The following TNXB variants were observed in gnomAD, a reference collection of about 807,000 sequenced individuals.
The protein encoded by TNXB is tenascin XB.
In TNXB, 183 loss-of-function variants were observed where a neutral mutation model predicts 340.5. The ratio of observed to expected loss-of-function variants is 0.54; its 90% CI spans 0.48 to 0.61. The LOEUF is 0.61. TNXB is among the 20% of genes least tolerant of loss of function. The probability of loss-of-function intolerance (pLI) is 0.00; values close to 1 mark genes in which losing one functional copy is unlikely to be tolerated. For missense variants in TNXB, 4,613 were observed against 5,446.4 expected (o/e 0.85, Z 4.82); for synonymous variants, 2,121 against 2,314.5 (o/e 0.92, Z 2.40).
chr6:32,097,338 T>A lies in TNXB; in HGVS notation c.515A>T (p.Asp172Val), dbSNP rs1337242680. ...WGGPTCSDPT[D>V]AEIPPSSPPS... ...TGGGGAAGAGGGAGGGATCTCAGCA[T>A]CTGTGGGGTCTGAGCAGGTGGGCCC... The change falls in exon 3 of 44, where the codon GAT becomes GTT. Residue 172 changes from aspartate (D) to valine (V), a missense_variant. Around this residue, in one of 7 missense-constraint regions of TNXB, gnomAD observed 4,327 missense variants for 4,859.4 expected, o/e 0.89. Coordinates refer to ENST00000644971, the MANE Select transcript of TNXB (RefSeq NM_001365276.2). The surrounding 1 kb of genome is among the most constrained non-coding windows in gnomAD (Gnocchi z 5.9). 2 of 1,613,298 alleles carry A rather than the reference T, an allele frequency of 1.2e-6. No homozygotes were observed. Among genetic ancestry groups the A allele is most frequent in the Admixed American group, 1.7e-5 (1 of 59,988 alleles).
At position 32,096,715 on chromosome 6, in the gene TNXB, G is replaced by A; in HGVS notation, c.1138C>T (p.Arg380Cys). ...CATTCGCCGTCCTCGCAGCGCCCGC[G>A]GCCCCGGCAGTCCCTCGGACATGTC... Reference protein sequence around the residue: ...TRTCPRDCRGRGRCEDGECIC... With the variant: ...TRTCPRDCRGCGRCEDGECIC... Residue 380 changes from arginine (R) to cysteine (C), a missense_variant, in exon 3 of 44, where the codon CGC becomes TGC. Physicochemically the swap from Arg to Cys is radical, Grantham distance 180. This residue lies in a region of TNXB where 4,327 missense variants were observed against 4,859.4 expected (regional missense o/e 0.89). Transcript: ENST00000644971. 5 of 1,550,306 alleles carry A rather than the reference G, an allele frequency of 3.2e-6. No individual in the cohort carries two copies. The highest frequency in any genetic ancestry group is 1.9e-5 in the Admixed American group (1 of 51,714).
In TNXB at chr6:32,084,246, G is replaced by A. The variant is rs1178493844; in HGVS notation, c.3445+167C>T. 6.6e-6 allele frequency among the ~76,000 whole-genome samples: 1 copy of A among 152,164 alleles called. No homozygotes were observed. Among genetic ancestry groups the A allele is most frequent in the Non-Finnish European group, 1.5e-5 (1 of 68,034 alleles). The stretch of plus-strand genomic sequence containing the variant: ...CCGTGACTCCCTCAGGCTGCACTGA[G>A]CTTCTCAAACTCTTTGCCTGCCCCA... On this transcript the variant is annotated intron_variant, in intron 8 of 43. Transcript: ENST00000644971. This position sits in a 1 kb window ranked among gnomAD's most constrained non-coding sequence, Gnocchi z 5.5.
Position 32,089,485 on chromosome 6 carries a change from C to T in TNXB, c.2359-106G>A. ...AATTCTAAACAGTGTCAGCATGGTA[C>T]TGTGTGGAACTTGACCCTGTACAAG... On this transcript the variant is annotated intron_variant, in intron 4 of 43. Coordinates refer to ENST00000644971, the MANE Select transcript of TNXB (RefSeq NM_001365276.2). The surrounding 1 kb of genome is among the most constrained non-coding windows in gnomAD (Gnocchi z 6.2). 7.2e-7 allele frequency: 1 copy of T among 1,392,186 alleles called. No homozygotes were observed. Among genetic ancestry groups the T allele is most frequent in the Non-Finnish European group, 9.6e-7 (1 of 1,044,242 alleles). The allele number at this position is 1,392,186 out of a possible 1,614,324, so 86.2% of individuals were successfully genotyped here.
In TNXB at chr6:32,082,102, T is replaced by C. The variant is rs1303576995; in HGVS notation, c.3670A>G (p.Arg1224Gly). 6.2e-7 allele frequency: 1 copy of C among 1,610,958 alleles called. No individual in the cohort carries two copies. Among genetic ancestry groups the C allele is most frequent in the Non-Finnish European group, 8.5e-7 (1 of 1,178,892 alleles). The change falls in exon 9 of 44, where the codon AGA (arginine) becomes GGA (glycine). Residue 1224 changes from arginine to glycine, a missense_variant. By Grantham distance (125) the Arg-to-Gly change is moderately radical. Coordinates refer to ENST00000644971, the MANE Select transcript of TNXB (RefSeq NM_001365276.2). This position sits in a 1 kb window ranked among gnomAD's most constrained non-coding sequence, Gnocchi z 5.0. ...VSSLDPDHKY[R>G]FTLFGIANKK... ...TTCGCAATTCCAAACAGAGTGAATCTGTACTTGTGGTCAGGGTCCAGTGAG... is the reference window on the plus strand; with the variant it reads ...TTCGCAATTCCAAACAGAGTGAATCCGTACTTGTGGTCAGGGTCCAGTGAG...
chr6:32,067,171 G>GAAAGAAAGAA lies in TNXB; in HGVS notation c.6544+480_6544+489dup, dbSNP rs1778419598. Among the ~76,000 whole-genome samples the GAAAGAAAGAA allele has an allele frequency of 6.7e-6, 1 of 148,202 alleles. No homozygotes were observed. Among genetic ancestry groups the GAAAGAAAGAA allele is most frequent in the Admixed American group, 6.7e-5 (1 of 14,816 alleles). On this transcript the variant is annotated intron_variant, in intron 18 of 43. Transcript: ENST00000644971. The surrounding 1 kb of genome is among the most constrained non-coding windows in gnomAD (Gnocchi z 4.2). ...AGAAAGAAAGAAAGAAAGAAAGAAAGAAAGAAAGAAAGAAAACATTCTAGT... is the reference window on the plus strand; with the variant it reads ...AGAAAGAAAGAAAGAAAGAAAGAAAGAAAGAAAGAAAAAGAAAGAAAGAAAACATTCTAGT...
Position 32,042,581 on chromosome 6 carries a change from C to T in TNXB, c.12084G>A (p.Arg4028=). Reference sequence around the variant, plus strand: ...CGTTCTGCATCTCCTCCCCGCAGTCCCTGGGGAAGGGGATCCGCAGCCCAC... The same window carrying T: ...CGTTCTGCATCTCCTCCCCGCAGTCTCTGGGGAAGGGGATCCGCAGCCCAC... The part of the protein sequence containing the change: ...TTGGLRIPFP[R]DCGEEMQNGA... Residue 4028 remains arginine (R), a synonymous_variant, in exon 40 of 44, where the codon AGG becomes AGA. Transcript: ENST00000644971. 1 of 1,590,664 alleles carries T rather than the reference C, an allele frequency of 6.3e-7. No individual in the cohort carries two copies. The highest frequency in any genetic ancestry group is 8.6e-7 in the Non-Finnish European group (1 of 1,167,788).
chr6:32,045,741 C>T (rs1776823261), intron 31 of TNXB: 1 of 1,036,168 alleles, frequency 9.7e-7, no homozygotes, highest in African/African-American at 1.7e-5. Flanking sequence ...GAGCCTGTAC[C>T]ACAAATGCAG....
chr6:32,061,433 G>C lies in TNXB; in HGVS notation c.7456C>G (p.Arg2486Gly), dbSNP rs752650618. ...ACGGTGGACACCGGGCCCACGCGCC[G>C]CCCCTCGTGGAGGCCATACAGGTGC... ...KMHLYGLHEG[R>G]RVGPVSTVGV... is the part of the protein sequence containing the mutation. The change falls in exon 21 of 44, where the codon CGG becomes GGG. Residue 2486 changes from arginine (R) to glycine (G), a missense_variant. By Grantham distance (125) the Arg-to-Gly change is moderately radical. This residue lies in a region of TNXB where 4,327 missense variants were observed against 4,859.4 expected (regional missense o/e 0.89). Transcript: ENST00000644971. This position sits in a 1 kb window ranked among gnomAD's most constrained non-coding sequence, Gnocchi z 4.4. The C allele has an allele frequency of 6.8e-6, 11 of 1,612,618 alleles. No homozygotes were observed. The East Asian group carries it at 2.5e-4, about 36-fold the overall frequency.
Position 32,097,897 on chromosome 6 carries a change from T to C in TNXB, c.302A>G (p.Gln101Arg). The change falls in exon 2 of 44, where the codon CAG becomes CGG. Residue 101 changes from glutamine (Q) to arginine (R), a missense_variant. By Grantham distance (43) the Gln-to-Arg change is conservative. Around this residue, in one of 7 missense-constraint regions of TNXB, gnomAD observed 4,327 missense variants for 4,859.4 expected, o/e 0.89. Transcript: ENST00000644971. The surrounding 1 kb of genome is among the most constrained non-coding windows in gnomAD (Gnocchi z 5.9). ...TEPPVLASEV[Q>R]ALRVRLEILE... is the part of the protein sequence containing the mutation. ...GATCTCTAGACGGACCCTCAGGGCC[T>C]GTACCTCTGAAGCAAGGACTGGGGG... The C allele has an allele frequency of 5.7e-6, 9 of 1,583,260 alleles. No individual in the cohort carries two copies. The highest frequency in any genetic ancestry group is 7.8e-6 in the Non-Finnish European group (9 of 1,159,096).
At position 32,097,721 on chromosome 6, in the gene TNXB, TACCAAGG is replaced by T. The variant is rs1240038778; in HGVS notation, c.403+68_403+74del. On this transcript the variant is annotated intron_variant, in intron 2 of 43. Coordinates refer to ENST00000644971, the MANE Select transcript of TNXB (RefSeq NM_001365276.2). This position sits in a 1 kb window ranked among gnomAD's most constrained non-coding sequence, Gnocchi z 5.9. ...GGAAGGAGTGCCTTCTTCTAATTCA[TACCAAGG>T]ACCTTTATGGACTAGCAATGCCCAC... 1 of 1,448,178 alleles carries T rather than the reference TACCAAGG, an allele frequency of 6.9e-7. No homozygotes were observed. The highest frequency in any genetic ancestry group is 1.4e-5 in the African/African-American group (1 of 70,226). The allele number at this position is 1,448,178 out of a possible 1,614,324, so 89.7% of individuals were successfully genotyped here. A position where few individuals can be genotyped will look rare whatever the true frequency, so the allele number is the denominator to read the frequency against.
At chr6:32,060,430 C>A (rs1329789378) in intron 21 of TNXB, among the ~76,000 whole-genome samples, 1 of 147,836 alleles carries the variant, frequency 6.8e-6, no homozygotes, top group Admixed American at 6.6e-5. Flanking sequence ...TATATATTTT[C>A]TCTTTTCCCT....
chr6:32,076,336 C>T (rs776894457), intron 11 of TNXB, among the ~76,000 whole-genome samples: 7 of 152,154 alleles, frequency 4.6e-5, no homozygotes, highest in Non-Finnish European at 8.8e-5. Context: ...ACGCACCTCT[C>T]CCCCTGGCAA....
Position 32,074,090 on chromosome 6 carries a change from C to A in TNXB, c.4376-138G>T. ...CCCAGAGCAGTGGGCGACCTCGGCT[C>A]ACTGCAGCCTCTGCCTCCCGGGTTC... On this transcript the variant is annotated intron_variant, in intron 11 of 43. Transcript: ENST00000644971. The surrounding 1 kb of genome is among the most constrained non-coding windows in gnomAD (Gnocchi z 5.5). 8.8e-6 allele frequency: 7 copies of A among 799,232 alleles called. No homozygotes were observed. Among genetic ancestry groups the A allele is most frequent in the Non-Finnish European group, 1.1e-5 (6 of 539,728 alleles). 49.5% of individuals were successfully genotyped at this position (799,232 alleles called of 1,614,324 possible).
At position 32,064,764 on chromosome 6, in the gene TNXB, TA is replaced by T; in HGVS notation, c.6841+56del. ...AAATAAAGCCACCAGATACTGACAA[TA>T]AAAGGGAAACTGAGTCTAGTTCAGG... On this transcript the variant is annotated intron_variant, in intron 19 of 43. Coordinates refer to ENST00000644971, the MANE Select transcript of TNXB (RefSeq NM_001365276.2). The surrounding 1 kb of genome is among the most constrained non-coding windows in gnomAD (Gnocchi z 5.3). The T allele has an allele frequency of 6.4e-7, 1 of 1,574,562 alleles. No homozygotes were observed. The highest frequency in any genetic ancestry group is 1.2e-5 in the South Asian group (1 of 86,382).
At position 32,085,904 on chromosome 6, in the gene TNXB, G is replaced by A. The variant is rs572326271; in HGVS notation, c.2994C>T (p.Pro998=). The change falls in exon 7 of 44, where the codon CCC becomes CCT. Residue 998 remains proline (P), a synonymous_variant. Transcript: ENST00000644971. This position sits in a 1 kb window ranked among gnomAD's most constrained non-coding sequence, Gnocchi z 6.4. Reference sequence around the variant, plus strand: ...CTTCCTCATGTGCCCCCGGCCCCTCGGGCACCCGCATGCGCAGTTGGAAGT... The same window carrying A: ...CTTCCTCATGTGCCCCCGGCCCCTCAGGCACCCGCATGCGCAGTTGGAAGT... ...FAYFQLRMRV[P]EGPGAHEEVL... 8 of 1,608,362 alleles carry A rather than the reference G, an allele frequency of 5.0e-6. No homozygotes were observed. The highest frequency in any genetic ancestry group is 3.3e-5 in the Admixed American group (2 of 60,018).
rs994812379 is a variant in TNXB at position 32,061,255 on chromosome 6, T to C, written c.7492+142A>G. The C allele has an allele frequency of 2.3e-6, 3 of 1,311,296 alleles. No homozygotes were observed. Among genetic ancestry groups the C allele is most frequent in the Non-Finnish European group, 3.1e-6 (3 of 965,652 alleles). 81.2% of individuals were successfully genotyped at this position (1,311,296 alleles called of 1,614,324 possible). A position where few individuals can be genotyped will look rare whatever the true frequency, so the allele number is the denominator to read the frequency against. ...AAAGTGAACAAGCAAACCGCTAGCA[T>C]AGGCCACAGCCACAGGGCACAGAGG... On this transcript the variant is annotated intron_variant, in intron 21 of 43. Coordinates refer to ENST00000644971, the MANE Select transcript of TNXB (RefSeq NM_001365276.2). The surrounding 1 kb of genome is among the most constrained non-coding windows in gnomAD (Gnocchi z 4.4).
At chr6:32,098,295 C>CGTGGGTCCCAGCACAT in intron 1 of TNXB, 89 bp from the exon 2 acceptor site, 1 of 1,109,670 alleles carries the variant, frequency 9.0e-7, no homozygotes, top group Non-Finnish European at 1.2e-6. Context: ...ACGGTCCCAC[C>CGTGGGTCCCAGCACAT]ACCCACAAGT....
In TNXB at chr6:32,085,887, T is replaced by C. The variant is rs1326068307; in HGVS notation, c.3011A>G (p.His1004Arg). The change falls in exon 7 of 44, where the codon CAT becomes CGT. Residue 1004 changes from histidine to arginine, a missense_variant. His to Arg is a conservative substitution (Grantham distance 29, BLOSUM62 0). This residue lies in a region of TNXB where 4,327 missense variants were observed against 4,859.4 expected (regional missense o/e 0.89). Coordinates refer to ENST00000644971, the MANE Select transcript of TNXB (RefSeq NM_001365276.2). This position sits in a 1 kb window ranked among gnomAD's most constrained non-coding sequence, Gnocchi z 6.4. ...RMRVPEGPGA[H>R]EEVLPGDVRQ... is the part of the protein sequence containing the mutation. ...GACGTCCCCTGGCAGCACTTCCTCA[T>C]GTGCCCCCGGCCCCTCGGGCACCCG... The C allele has an allele frequency of 6.2e-7, 1 of 1,608,316 alleles. No homozygotes were observed. The highest frequency in any genetic ancestry group is 8.5e-7 in the Non-Finnish European group (1 of 1,178,668).
intron 4 of TNXB, chr6:32,093,461 G>A (rs772568462): frequency 1.4e-6 from 1 of 689,942 alleles, no homozygotes. Context: ...GCTGGCCTGA[G>A]GAGCATAATG....
Sources: gnomAD v4.1 joint callset for allele counts (sites outside exome capture counted in the v4.1 genomes callset) on GRCh38, gnomAD v4.1.1 for gene constraint, gnomAD v4.1.1 regional missense constraint, Gnocchi (gnomAD v3.1) non-coding constraint, MANE v1.5 for transcripts, NCBI Gene and HGNC (gene_info 2026-07-23, HGNC 2026-07-21) for gene names.